Variants in RAB40B observed in about 807,000 individuals in gnomAD.
The protein encoded by RAB40B is ras-related protein Rab-40B.
A neutral mutation model predicts 24.0 loss-of-function variants in RAB40B; 21 were observed. The observed-to-expected ratio is 0.88, with a 90% confidence interval of 0.62 to 1.26. The LOEUF is 1.26. Ranked by LOEUF, RAB40B falls within the 50% of genes most tolerant of loss-of-function variation. The probability of loss-of-function intolerance (pLI) is 0.00; values close to 1 mark genes in which losing one functional copy is unlikely to be tolerated. For missense variants in RAB40B, 348 were observed against 390.5 expected, an observed-to-expected ratio of 0.89 and a Z score of 0.92; for synonymous variants, 167 against 169.8, an observed-to-expected ratio of 0.98 and a Z score of 0.13.
chr17:82,682,626 A>G (rs919163851), intron 1 of RAB40B, among the ~76,000 whole-genome samples: 4 of 152,234 alleles, frequency 2.6e-5, no homozygotes, highest in African/African-American at 7.2e-5. Flanking sequence ...AAGACTTACT[A>G]TATATTTAAT....
In RAB40B at chr17:82,657,316, G is replaced by A. The variant is rs76444460; in HGVS notation, c.*547C>T. ...AATCACTTATTAATCCCAAAATGTA[G>A]TAAATAACTAGCAAAAACTTTATCA... On this transcript the variant is annotated 3_prime_UTR_variant, in exon 6 of 6. Coordinates refer to ENST00000571995, the MANE Select transcript of RAB40B (RefSeq NM_006822.3). 147 of 181,966 alleles carry A rather than the reference G, an allele frequency of 8.1e-4. No homozygotes were observed. Among genetic ancestry groups the A allele is most frequent in the African/African-American group, 3.3e-3 (137 of 41,772 alleles). 11.3% of individuals were successfully genotyped at this position (181,966 alleles called of 1,614,324 possible).
chr17:82,670,942 T>C (rs1434455377), intron 1 of RAB40B, among the ~76,000 whole-genome samples: 1 of 152,064 alleles, frequency 6.6e-6, no homozygotes, highest in African/African-American at 2.4e-5. Context: ...TCCACGATGT[T>C]GGACCCTGGC....
chr17:82,657,761 T>C lies in RAB40B; in HGVS notation c.*102A>G. 2 of 1,381,802 alleles carry C rather than the reference T, an allele frequency of 1.4e-6. No homozygotes were observed. Among genetic ancestry groups the C allele is most frequent in the Non-Finnish European group, 2.1e-6 (2 of 969,618 alleles). The allele number at this position is 1,381,802 out of a possible 1,614,324, so 85.6% of individuals were successfully genotyped here. A position where few individuals can be genotyped will look rare whatever the true frequency, so the allele number is the denominator to read the frequency against. On this transcript the variant is annotated 3_prime_UTR_variant, in exon 6 of 6. Coordinates refer to ENST00000571995, the MANE Select transcript of RAB40B (RefSeq NM_006822.3). The stretch of plus-strand genomic sequence containing the variant: ...GCGTCGCACACATTCGCAAGCAGCA[T>C]TCGCCGAGAGGAACCGGGATCTGAG...
rs1417117918 is a variant in RAB40B, at chr17:82,672,189, C to T, written c.143-7633G>A. Among the ~76,000 whole-genome samples the T allele has an allele frequency of 1.4e-3, 205 of 150,898 alleles. 2 individuals are homozygous for T. The highest frequency in any genetic ancestry group is 4.7e-3 in the African/African-American group (193 of 40,786). On this transcript the variant is annotated intron_variant, in intron 1 of 5. Coordinates refer to ENST00000571995, the MANE Select transcript of RAB40B (RefSeq NM_006822.3). ...TAACTCTAACACACACTCACATGCT[C>T]CCTGTACTCACTGACACACCCCACC...
Position 82,692,338 on chromosome 17 carries a change from G to A in RAB40B, c.142+6117C>T, listed in dbSNP as rs148552010. ...GAACTCTGCCCTGCAACTACAGACC[G>A]AGAGGAAGACAAACGCCCAGGAGGG... On this transcript the variant is annotated intron_variant, in intron 1 of 5. Transcript: ENST00000571995. This position sits in a 1 kb window ranked among gnomAD's most constrained non-coding sequence, Gnocchi z 4.0. Among the ~76,000 whole-genome samples, 249 of 152,298 alleles carry A rather than the reference G, an allele frequency of 1.6e-3. 1 individual carries two copies. Among genetic ancestry groups the A allele is most frequent in the African/African-American group, 5.7e-3 (235 of 41,554 alleles).
chr17:82,683,805 C>CAAAAAAAAA (rs35145848), intron 1 of RAB40B, among the ~76,000 whole-genome samples: 7 of 90,734 alleles, frequency 7.7e-5, no homozygotes, highest in Admixed American at 2.7e-4. Flanking sequence ...ACCCTGTTTC[C>CAAAAAAAAA]AAAAAAAAAA....
rs1459892006 is a variant in RAB40B, at chr17:82,657,685, C to G, written c.*178G>C. ...CGAAAACAAGAGCTTCATGCACATC[C>G]ACGTAGAAATTCGAAGTCCGACGGG... is the stretch of plus-strand genomic sequence containing the variant. On this transcript the variant is annotated 3_prime_UTR_variant, in exon 6 of 6. Coordinates refer to ENST00000571995, the MANE Select transcript of RAB40B (RefSeq NM_006822.3). 1.3e-6 allele frequency: 1 copy of G among 782,644 alleles called. No individual in the cohort carries two copies. The highest frequency in any genetic ancestry group is 2.3e-6 in the Non-Finnish European group (1 of 442,572). The allele number at this position is 782,644 out of a possible 1,614,324, so 48.5% of individuals were successfully genotyped here. A position where few individuals can be genotyped will look rare whatever the true frequency, so the allele number is the denominator to read the frequency against.
chr17:82,696,261 A>T (rs536946516), intron 1 of RAB40B: 1 of 152,304 alleles, frequency 6.6e-6, no homozygotes, highest in East Asian at 1.9e-4. Context: ...GTTCGTCCTC[A>T]GTTCGGCATG....
chr17:82,661,377 AGTGTG>A, intron 2 of RAB40B: 2 of 767,828 alleles, frequency 2.6e-6, no homozygotes, highest in East Asian at 8.3e-5. Context: ...TGCAGTAAGG[AGTGTG>A]GGTCTACACC....
intron 1 of RAB40B, chr17:82,668,268 G>C (rs1289321466): frequency 6.5e-6 from 1 of 154,442 alleles, no homozygotes; most frequent in Non-Finnish European, 1.5e-5. Flanking sequence ...TTGGTCCACA[G>C]GCAGCCCACC....
At chr17:82,682,061 G>C (rs1036133892) in intron 1 of RAB40B, among the ~76,000 whole-genome samples, 7 of 151,608 alleles carry the variant, frequency 4.6e-5, no homozygotes, top group African/African-American at 1.7e-4. Context: ...GAAAGAAAAG[G>C]CATGCAGATT....
chr17:82,683,935 T>C (rs2046470435), intron 1 of RAB40B, among the ~76,000 whole-genome samples: 1 of 151,612 alleles, frequency 6.6e-6, no homozygotes, highest in African/African-American at 2.4e-5. Flanking sequence ...TACAATAAGA[T>C]ACTGGCCGGG....
chr17:82,674,085 A>G (rs1031026639), intron 1 of RAB40B, among the ~76,000 whole-genome samples: 2 of 152,198 alleles, frequency 1.3e-5, no homozygotes, highest in Non-Finnish European at 2.9e-5. Flanking sequence ...TCGCGCCTGT[A>G]ATCCCAGCAC....
chr17:82,671,804 A>G (rs573429115), intron 1 of RAB40B, among the ~76,000 whole-genome samples: 504 of 19,916 alleles, frequency 0.025, no homozygotes, highest in African/African-American at 0.042. Context: ...TAACTCTAAC[A>G]CACACACTCA....
At position 82,658,079 on chromosome 17, in the gene RAB40B, G is replaced by A. The variant is rs1257269515; in HGVS notation, c.621C>T (p.His207=). 4.3e-6 allele frequency: 7 copies of A among 1,614,066 alleles called. No individual in the cohort carries two copies. The highest frequency in any genetic ancestry group is 5.9e-6 in the Non-Finnish European group (7 of 1,180,052). Residue 207 remains histidine (H), a synonymous_variant, in exon 6 of 6, where the codon CAC becomes CAT. Transcript: ENST00000571995. ...TGGGGAGCGGGAGCTTGTCCACCAG[G>A]TGCACCGGCGTGCAGGACACGACCG... ...CRAVVSCTPV[H]LVDKLPLPIA...
At chr17:82,676,558 G>C (rs1034182800) in intron 1 of RAB40B, among the ~76,000 whole-genome samples, 2 of 151,528 alleles carry the variant, frequency 1.3e-5, no homozygotes. Context: ...CTTTGCATTC[G>C]GATGGGTCCT....
At chr17:82,677,959 T>C (rs1267745600) in intron 1 of RAB40B, among the ~76,000 whole-genome samples, 1 of 152,236 alleles carries the variant, frequency 6.6e-6, no homozygotes, top group Admixed American at 6.5e-5. Flanking sequence ...ATCAATGCTG[T>C]TCCAAAGATA....
chr17:82,654,994 G>A lies in RAB40B; in HGVS notation c.*2869C>T, dbSNP rs1294952186. On this transcript the variant is annotated 3_prime_UTR_variant, in exon 6 of 6. Coordinates refer to ENST00000571995, the MANE Select transcript of RAB40B (RefSeq NM_006822.3). ...TCTCTAAGGTTTAATTTATATTTAT[G>A]TTTTTTGTATATTCACCACCCAAAC... 6.6e-6 allele frequency: 1 copy of A among 152,150 alleles called. No individual in the cohort carries two copies. Among genetic ancestry groups the A allele is most frequent in the Non-Finnish European group, 1.5e-5 (1 of 68,032 alleles). 9.4% of individuals were successfully genotyped at this position (152,150 alleles called of 1,614,324 possible).
chr17:82,668,896 C>T (rs979421964), intron 1 of RAB40B, among the ~76,000 whole-genome samples: 2 of 152,216 alleles, frequency 1.3e-5, no homozygotes, highest in Admixed American at 6.5e-5. Context: ...TCTAGATGGG[C>T]CACTGCTACC....
Sources: allele counts gnomAD v4.1 joint callset (sites outside exome capture counted in the v4.1 genomes callset), GRCh38; gene constraint gnomAD v4.1.1; non-coding constraint Gnocchi (gnomAD v3.1); transcripts MANE v1.5; gene names NCBI Gene and HGNC (gene_info 2026-07-23, HGNC 2026-07-21).